Variants in NAV2 observed in about 807,000 individuals in gnomAD.
NAV2 encodes the protein helicase, APC down-regulated 1.
NAV2 carries 54 observed loss-of-function variants against 223.2 expected under a neutral mutation model. The ratio of observed to expected loss-of-function variants is 0.24; its 90% CI spans 0.19 to 0.30. The LOEUF is 0.30. Among genes scored for constraint, NAV2 ranks in the 10% least tolerant of loss-of-function variants. The pLI, the probability that NAV2 is intolerant of heterozygous loss-of-function variation, is 1.00. For missense variants in NAV2, 2,806 were observed against 3,147.5 expected (o/e 0.89, Z 2.60); for synonymous variants, 1,279 against 1,239.3 (o/e 1.03, Z -0.67).
intron 1 of NAV2, among the ~76,000 whole-genome samples, chr11:19,659,411 A>G (rs1046349878): frequency 8.5e-5 from 13 of 152,204 alleles, no homozygotes; most frequent in African/African-American, 2.9e-4. Context: ...ATGGGAAGGC[A>G]TTGAAGAAGG....
At chr11:19,556,983 T>G (rs2044915634) in intron 1 of NAV2, among the ~76,000 whole-genome samples, 1 of 152,222 alleles carries the variant, frequency 6.6e-6, no homozygotes, top group Non-Finnish European at 1.5e-5. Flanking sequence ...GTATCAGAGT[T>G]TTTTACTTCT....
intron 1 of NAV2, among the ~76,000 whole-genome samples, chr11:19,823,391 A>G (rs977968784): frequency 1.3e-5 from 2 of 152,112 alleles, no homozygotes; most frequent in Non-Finnish European, 2.9e-5. Context: ...TATTTTTAGT[A>G]GAGAAGGGGT....
At chr11:19,809,142 A>T (rs918773135) in intron 1 of NAV2, among the ~76,000 whole-genome samples, 1 of 152,204 alleles carries the variant, frequency 6.6e-6, no homozygotes, top group African/African-American at 2.4e-5. Context: ...AAGTCCTTTT[A>T]TCCTGAACAG....
intron 1 of NAV2, among the ~76,000 whole-genome samples, chr11:19,363,682 A>G (rs748195383): frequency 5.9e-5 from 9 of 152,220 alleles, no homozygotes; most frequent in Admixed American, 1.3e-4. Flanking sequence ...CCCACAGGTT[A>G]AGGGCTCAGA....
chr11:19,497,026 A>G (rs1273782294), intron 1 of NAV2, among the ~76,000 whole-genome samples: 1 of 152,188 alleles, frequency 6.6e-6, no homozygotes, highest in Non-Finnish European at 1.5e-5. Flanking sequence ...TCAAGTGGAG[A>G]GTATAATAGC....
At chr11:20,005,578 A>C (rs1275221375) in intron 11 of NAV2, among the ~76,000 whole-genome samples, 1 of 152,024 alleles carries the variant, frequency 6.6e-6, no homozygotes, top group Non-Finnish European at 1.5e-5. Context: ...AAAAAAAAAA[A>C]AACGAGAAAT....
At position 19,859,981 on chromosome 11, in the gene NAV2, T is replaced by C. The variant is rs973943677; in HGVS notation, c.439-8944T>C. 3.5e-5 allele frequency among the ~76,000 whole-genome samples: 4 copies of C among 113,814 alleles called. 1 individual carries two copies. Among genetic ancestry groups the C allele is most frequent in the African/African-American group, 1.4e-4 (4 of 28,316 alleles). The allele number at this position is 113,814 out of a possible 152,430, so 74.7% of individuals were successfully genotyped here. On this transcript the variant is annotated intron_variant, in intron 3 of 37. Coordinates refer to ENST00000349880, the MANE Select transcript of NAV2 (RefSeq NM_145117.5). The stretch of plus-strand genomic sequence containing the variant: ...CCCCTCACCTCCCGGATGGGGCGGC[T>C]GGCCAGGCGGGGGGCTGACCCCCCC...
intron 1 of NAV2, among the ~76,000 whole-genome samples, chr11:19,377,572 G>C (rs767987879): frequency 9.9e-5 from 15 of 152,162 alleles, no homozygotes; most frequent in Non-Finnish European, 1.6e-4. Context: ...CATATTCCCA[G>C]TATGCAGCAC....
chr11:19,492,492 G>T (rs964205325), intron 1 of NAV2, among the ~76,000 whole-genome samples: 1 of 152,052 alleles, frequency 6.6e-6, no homozygotes, highest in African/African-American at 2.4e-5. Flanking sequence ...TGTGATGGCT[G>T]TAGTTCTAGC....
At chr11:19,836,323 C>T (rs1012713512) in intron 2 of NAV2, among the ~76,000 whole-genome samples, 2 of 151,264 alleles carry the variant, frequency 1.3e-5, no homozygotes, top group African/African-American at 2.4e-5. Flanking sequence ...TTTGGGAGGC[C>T]GAGGCGGGTG....
chr11:19,687,310 A>G (rs1200953487), intron 1 of NAV2, among the ~76,000 whole-genome samples: 2 of 152,324 alleles, frequency 1.3e-5, no homozygotes, highest in Admixed American at 1.3e-4. Context: ...TCTTATCCAG[A>G]TAGTCAATCT....
At chr11:20,088,830 C>T (rs948118784) in intron 26 of NAV2, among the ~76,000 whole-genome samples, 1 of 152,148 alleles carries the variant, frequency 6.6e-6, no homozygotes, top group Admixed American at 6.5e-5. Flanking sequence ...CCAGAACAGA[C>T]TGTTCTCTGC....
At chr11:19,455,274 G>A (rs1386580198) in intron 1 of NAV2, among the ~76,000 whole-genome samples, 1 of 152,104 alleles carries the variant, frequency 6.6e-6, no homozygotes. Context: ...AATGTTTATG[G>A]CTGCTATGTG....
intron 1 of NAV2, among the ~76,000 whole-genome samples, chr11:19,448,676 A>T (rs1851676887): frequency 6.6e-6 from 1 of 152,246 alleles, no homozygotes; most frequent in East Asian, 1.9e-4. Flanking sequence ...GAGTTTCCTC[A>T]TCTGTAAAAT....
intron 1 of NAV2, among the ~76,000 whole-genome samples, chr11:19,740,051 G>A (rs1003940014): frequency 1.3e-5 from 2 of 152,194 alleles, no homozygotes; most frequent in African/African-American, 4.8e-5. Flanking sequence ...CAGCCACTGG[G>A]AGCTTGATGG....
At chr11:19,816,074 G>A (rs1411562771) in intron 1 of NAV2, among the ~76,000 whole-genome samples, 1 of 152,104 alleles carries the variant, frequency 6.6e-6, no homozygotes, top group Non-Finnish European at 1.5e-5. Flanking sequence ...CGTAGTAAAC[G>A]CCTAGTATAA....
chr11:19,933,029 T>C lies in NAV2; in HGVS notation c.932-147T>C. ...GGAAGTCAAGCCAGAAATTAAAACC[T>C]AACCACAGATAATCCACAAAGTGGG... On this transcript the variant is annotated intron_variant, in intron 6 of 37. Transcript: ENST00000349880. The surrounding 1 kb of genome is among the most constrained non-coding windows in gnomAD (Gnocchi z 4.3). 1.0e-6 allele frequency: 1 copy of C among 1,003,654 alleles called. No individual in the cohort carries two copies. Among genetic ancestry groups the C allele is most frequent in the Admixed American group, 2.7e-5 (1 of 36,668 alleles). 62.2% of individuals were successfully genotyped at this position (1,003,654 alleles called of 1,614,324 possible).
At chr11:19,374,984 GACA>G (rs899947696) in intron 1 of NAV2, among the ~76,000 whole-genome samples, 1 of 152,142 alleles carries the variant, frequency 6.6e-6, no homozygotes, top group Non-Finnish European at 1.5e-5. Context: ...TACTGCCTCT[GACA>G]ACAAGATGTT....
intron 1 of NAV2, among the ~76,000 whole-genome samples, chr11:19,607,099 A>G (rs2046495647): frequency 6.6e-6 from 1 of 152,134 alleles, no homozygotes; most frequent in African/African-American, 2.4e-5. Context: ...GCCGGTAACC[A>G]CACTGGTTAC....
Sources: allele counts gnomAD v4.1 joint callset (sites outside exome capture counted in the v4.1 genomes callset), GRCh38; gene constraint gnomAD v4.1.1; non-coding constraint Gnocchi (gnomAD v3.1); transcripts MANE v1.5; gene names NCBI Gene and HGNC (gene_info 2026-07-23, HGNC 2026-07-21).